Variants in BTRC observed in about 807,000 individuals in gnomAD.
The protein encoded by BTRC is F-box/WD repeat-containing protein 1A.
In BTRC, 42 loss-of-function variants were observed where a neutral mutation model predicts 85.5. That is an observed-to-expected ratio of 0.49 (90% CI 0.38 to 0.64). The LOEUF (loss-of-function observed/expected upper bound fraction) is 0.64, where lower values mean the gene tolerates loss of function less well. BTRC is among the 30% of genes least tolerant of loss of function. The pLI is 0.00. For missense variants in BTRC, 594 were observed against 743.5 expected, an observed-to-expected ratio of 0.80 and a Z score of 2.34; for synonymous variants, 255 against 263.3, an observed-to-expected ratio of 0.97 and a Z score of 0.30.
chr10:101,429,559 T>TTC (rs1182007184), intron 1 of BTRC, among the ~76,000 whole-genome samples: 2 of 129,892 alleles, frequency 1.5e-5, no homozygotes, highest in Admixed American at 8.4e-5. Flanking sequence ...TTTCTTCTTC[T>TTC]TCTCTCTCTC....
chr10:101,452,576 C>T (rs546921236), intron 2 of BTRC, among the ~76,000 whole-genome samples: 3 of 152,268 alleles, frequency 2.0e-5, no homozygotes, highest in African/African-American at 4.8e-5. Flanking sequence ...GACAGTGTGG[C>T]GGGGAGAAAG....
intron 13 of BTRC, among the ~76,000 whole-genome samples, chr10:101,546,271 A>G (rs2062556804): frequency 6.8e-6 from 1 of 147,652 alleles, no homozygotes; most frequent in Non-Finnish European, 1.5e-5. Context: ...ATCATACAGC[A>G]TATGCTCTCA....
intron 2 of BTRC, among the ~76,000 whole-genome samples, chr10:101,437,143 G>A (rs1384893091): frequency 1.3e-5 from 2 of 152,082 alleles, no homozygotes; most frequent in Non-Finnish European, 2.9e-5. Context: ...TTATGTATAT[G>A]TTAACATTTG....
intron 1 of BTRC, among the ~76,000 whole-genome samples, chr10:101,389,091 T>C (rs1244002144): frequency 1.3e-5 from 2 of 150,726 alleles, no homozygotes; most frequent in East Asian, 3.9e-4. Flanking sequence ...TCCACTTGAA[T>C]GTTGCATAAT....
intron 4 of BTRC, among the ~76,000 whole-genome samples, chr10:101,520,862 C>G (rs1166142331): frequency 6.6e-6 from 1 of 152,140 alleles, no homozygotes; most frequent in East Asian, 1.9e-4. Context: ...GAGGCTGAGG[C>G]AGGAGAATCG....
chr10:101,388,489 C>G (rs1228756365), intron 1 of BTRC, among the ~76,000 whole-genome samples: 1 of 150,584 alleles, frequency 6.6e-6, no homozygotes, highest in Non-Finnish European at 1.5e-5. Context: ...ACCGCCCCAC[C>G]TGTGTTTATT....
chr10:101,466,899 C>T (rs2134185412), intron 3 of BTRC, among the ~76,000 whole-genome samples: 1 of 152,142 alleles, frequency 6.6e-6, no homozygotes, highest in Non-Finnish European at 1.5e-5. Context: ...AGTAGATCCA[C>T]AAAAAACAGC....
At chr10:101,498,444 C>A (rs1946319599) in intron 4 of BTRC, among the ~76,000 whole-genome samples, 1 of 152,090 alleles carries the variant, frequency 6.6e-6, no homozygotes, top group Admixed American at 6.5e-5. Flanking sequence ...TGTGAGCCAC[C>A]ACACCCGGCC....
chr10:101,532,228 A>G (rs1421600939), intron 7 of BTRC, 67 bp from the exon 8 acceptor site: 5 of 1,508,854 alleles, frequency 3.3e-6, no homozygotes, highest in Non-Finnish European at 4.5e-6. Context: ...GATTGTCATT[A>G]AAGCCTAAAA....
At chr10:101,475,539 C>CAAAACA (rs147049360) in intron 3 of BTRC, among the ~76,000 whole-genome samples, 4,977 of 151,998 alleles carry the variant, frequency 0.033, 97 homozygotes, top group East Asian at 0.1. Flanking sequence ...GACTCCGTCT[C>CAAAACA]AAAACAAAAA....
chr10:101,389,119 G>GTTTTTTTTTTTTTTTTTTT (rs1188561028), intron 1 of BTRC, among the ~76,000 whole-genome samples: 1 of 41,556 alleles, frequency 2.4e-5, no homozygotes, highest in Non-Finnish European at 4.0e-5. Context: ...TTTTGTGTGT[G>GTTTTTTTTTTTTTTTTTTT]TTTTTTTTTT....
At chr10:101,541,999 T>C (rs2062476265) in intron 13 of BTRC, among the ~76,000 whole-genome samples, 1 of 152,236 alleles carries the variant, frequency 6.6e-6, no homozygotes, top group South Asian at 2.1e-4. Flanking sequence ...TGTGATATTA[T>C]GCTTCTTTAA....
At chr10:101,398,504 C>T (rs982907998) in intron 1 of BTRC, among the ~76,000 whole-genome samples, 1 of 152,044 alleles carries the variant, frequency 6.6e-6, no homozygotes, top group Non-Finnish European at 1.5e-5. Context: ...TGGGTTTCAT[C>T]GTGTTAGCCA....
At chr10:101,516,895 G>A (rs746265219) in intron 4 of BTRC, among the ~76,000 whole-genome samples, 8 of 152,192 alleles carry the variant, frequency 5.3e-5, no homozygotes, top group Non-Finnish European at 1.2e-4. Flanking sequence ...CCCAACTCAT[G>A]TCCATTTCCA....
intron 1 of BTRC, among the ~76,000 whole-genome samples, chr10:101,413,067 GAA>G (rs1943826221): frequency 6.6e-6 from 1 of 152,174 alleles, no homozygotes; most frequent in South Asian, 2.1e-4. Flanking sequence ...GCAGCCAGAG[GAA>G]CTTATTGAAG....
rs1381501113 is a variant in BTRC, at chr10:101,526,203, A to C, written c.743+4A>C. On this transcript the variant is annotated splice_donor_region_variant and intron_variant, in intron 6 of 14. Coordinates refer to ENST00000370187, the MANE Select transcript of BTRC (RefSeq NM_033637.4). The stretch of plus-strand genomic sequence containing the variant: ...GCCTGGCAGAACGAAGAGGATGGTG[A>C]GCCTTTAACTTTTCTTACTCTTATA... 1 of 1,613,048 alleles carries C rather than the reference A, an allele frequency of 6.2e-7. No homozygotes were observed. Among genetic ancestry groups the C allele is most frequent in the South Asian group, 1.1e-5 (1 of 90,964 alleles).
chr10:101,458,950 A>G (rs1945150186), intron 2 of BTRC, among the ~76,000 whole-genome samples: 1 of 152,112 alleles, frequency 6.6e-6, no homozygotes, highest in African/African-American at 2.4e-5. Flanking sequence ...ACTTTCACTC[A>G]CTTATTGTAG....
chr10:101,407,220 C>T (rs568144556), intron 1 of BTRC, among the ~76,000 whole-genome samples: 81 of 152,174 alleles, frequency 5.3e-4, no homozygotes, highest in African/African-American at 1.9e-3. Context: ...TAGTGGTATA[C>T]ACCTGTAGTC....
At chr10:101,386,960 G>A (rs1943095208) in intron 1 of BTRC, among the ~76,000 whole-genome samples, 1 of 152,138 alleles carries the variant, frequency 6.6e-6, no homozygotes, top group Non-Finnish European at 1.5e-5. Flanking sequence ...GGTTTGATGT[G>A]ACGAAGGGAT....
Sources: gnomAD v4.1 joint callset for allele counts (sites outside exome capture counted in the v4.1 genomes callset) on GRCh38, gnomAD v4.1.1 for gene constraint, MANE v1.5 for transcripts, NCBI Gene and HGNC (gene_info 2026-07-23, HGNC 2026-07-21) for gene names.